The following L3MBTL4 variants were observed in gnomAD, a reference collection of about 807,000 sequenced individuals.
The protein encoded by L3MBTL4 is lethal(3)malignant brain tumor-like protein 4.
In L3MBTL4, 70 loss-of-function variants were observed where a neutral mutation model predicts 84.5. That is an observed-to-expected ratio of 0.83 (90% CI 0.68 to 1.01). L3MBTL4 has a LOEUF of 1.01. Among genes scored for constraint, L3MBTL4 ranks in the 50% least tolerant of loss-of-function variants. The pLI is 0.00. For synonymous variants in L3MBTL4, 274 were observed against 259.8 expected (o/e 1.05, Z -0.52); for missense variants, 715 against 754.8 (o/e 0.95, Z 0.62).
chr18:5,982,574 T>C (rs970022898), intron 16 of L3MBTL4, among the ~76,000 whole-genome samples: 2 of 152,214 alleles, frequency 1.3e-5, no homozygotes, highest in African/African-American at 2.4e-5. Context: ...CCAGAGGTCA[T>C]GGAAAATGCC....
chr18:6,202,805 C>A (rs968271931), intron 12 of L3MBTL4, among the ~76,000 whole-genome samples: 1 of 152,064 alleles, frequency 6.6e-6, no homozygotes, highest in Non-Finnish European at 1.5e-5. Flanking sequence ...GAGTTCAGTC[C>A]AGGAAAAATT....
intron 1 of L3MBTL4, among the ~76,000 whole-genome samples, chr18:6,314,345 T>TA (rs2050987262): frequency 6.6e-6 from 1 of 152,002 alleles, no homozygotes; most frequent in African/African-American, 2.4e-5. Flanking sequence ...TTTTTAGAGT[T>TA]AAAAAAAGAA....
chr18:6,270,938 G>A (rs2048839939), intron 4 of L3MBTL4, among the ~76,000 whole-genome samples: 1 of 152,218 alleles, frequency 6.6e-6, no homozygotes, highest in African/African-American at 2.4e-5. Flanking sequence ...TGGAGAGACA[G>A]GCAGTGGAGA....
intron 5 of L3MBTL4, among the ~76,000 whole-genome samples, chr18:6,258,198 G>C (rs1053781432): frequency 6.6e-6 from 1 of 152,200 alleles, no homozygotes; most frequent in East Asian, 1.9e-4. Flanking sequence ...TCAGGTGGGA[G>C]GAAAGATGCC....
chr18:6,071,813 AAG>A (rs2057658884), intron 16 of L3MBTL4, among the ~76,000 whole-genome samples: 1 of 123,808 alleles, frequency 8.1e-6, no homozygotes, highest in African/African-American at 4.3e-5. Flanking sequence ...AAAAGAAAGA[AAG>A]GAAAGAAAGA....
At chr18:6,122,591 G>T (rs1028898101) in intron 14 of L3MBTL4, among the ~76,000 whole-genome samples, 3 of 152,164 alleles carry the variant, frequency 2.0e-5, no homozygotes, top group African/African-American at 7.2e-5. Context: ...TGATTGTGAG[G>T]CCTCCCCAGC....
intron 16 of L3MBTL4, among the ~76,000 whole-genome samples, chr18:5,982,288 A>T (rs1315939237): frequency 6.6e-6 from 1 of 151,936 alleles, no homozygotes; most frequent in African/African-American, 2.4e-5. Flanking sequence ...CCTTTTCTTA[A>T]ACTTGATAGA....
chr18:6,183,337 C>A (rs2044567937), intron 12 of L3MBTL4, among the ~76,000 whole-genome samples: 1 of 152,162 alleles, frequency 6.6e-6, no homozygotes, highest in Non-Finnish European at 1.5e-5. Context: ...TTTCCATAAT[C>A]TCTGCCCAAA....
chr18:6,124,040 G>C (rs1334095212), intron 14 of L3MBTL4, among the ~76,000 whole-genome samples: 1 of 152,206 alleles, frequency 6.6e-6, no homozygotes, highest in Non-Finnish European at 1.5e-5. Flanking sequence ...GGTAAGAACA[G>C]AGGCCAGAAA....
rs913114536 is a variant in L3MBTL4 at position 5,991,202 on chromosome 18, G to A, written c.1445-21640C>T. On this transcript the variant is annotated intron_variant, in intron 16 of 18. Transcript: ENST00000317931. ...TATAATTGAGGTTCTTTCCATGCCC[G>A]TACATGACTTTCATTCTCTCCTGTA... 4.6e-5 allele frequency among the ~76,000 whole-genome samples: 7 copies of A among 152,204 alleles called. No individual in the cohort carries two copies. The South Asian group carries it at 6.2e-4, about 14-fold the overall frequency.
chr18:6,213,902 T>C (rs2046219573), intron 11 of L3MBTL4, among the ~76,000 whole-genome samples: 1 of 152,210 alleles, frequency 6.6e-6, no homozygotes, highest in Non-Finnish European at 1.5e-5. Flanking sequence ...CCTATATTAG[T>C]TTAGTTTTTT....
intron 16 of L3MBTL4, among the ~76,000 whole-genome samples, chr18:5,994,454 T>C (rs2053854221): frequency 6.6e-6 from 1 of 152,242 alleles, no homozygotes; most frequent in African/African-American, 2.4e-5. Flanking sequence ...CTGCCACTTC[T>C]TGTTCTAATT....
intron 1 of L3MBTL4, chr18:6,399,959 T>G (rs945936467): frequency 7.2e-5 from 11 of 152,138 alleles, no homozygotes; most frequent in African/African-American, 2.7e-4. Flanking sequence ...AACTCTGACC[T>G]TGGGAAATCA....
intron 13 of L3MBTL4, among the ~76,000 whole-genome samples, chr18:6,145,735 TA>T (rs1198044951): frequency 6.6e-6 from 1 of 152,160 alleles, no homozygotes; most frequent in Non-Finnish European, 1.5e-5. Context: ...ATTTTTAACA[TA>T]AAATTAATTA....
rs543684050 is a variant in L3MBTL4 at position 6,169,719 on chromosome 18, C to T, written c.1096+2109G>A. ...GGGAGGGATAGCATTAGGAGATATACCTAATGCTAAATGGCGAGTTAATGG... is the reference window on the plus strand; with the variant it reads ...GGGAGGGATAGCATTAGGAGATATATCTAATGCTAAATGGCGAGTTAATGG... On this transcript the variant is annotated intron_variant, in intron 13 of 18. Coordinates refer to ENST00000317931, the MANE Select transcript of L3MBTL4 (RefSeq NM_001330559.2). Among the ~76,000 whole-genome samples, 8 of 151,546 alleles carry T rather than the reference C, an allele frequency of 5.3e-5. No individual in the cohort carries two copies. In the East Asian group the frequency reaches 1.6e-3, roughly 30 times the overall value.
chr18:6,274,306 C>T (rs1309009859), intron 4 of L3MBTL4, among the ~76,000 whole-genome samples: 1 of 152,150 alleles, frequency 6.6e-6, no homozygotes, highest in East Asian at 1.9e-4. Flanking sequence ...TTCCACAAGC[C>T]CTCCAGGTGA....
chr18:6,391,752 A>AACTACTACTACTACTACTACT (rs139560897), intron 1 of L3MBTL4, among the ~76,000 whole-genome samples: 5,429 of 150,072 alleles, frequency 0.036, 131 homozygotes, highest in Middle Eastern at 0.072. Context: ...CAACAACAAC[A>AACTACTACTACTACTACTACT]ACTACTACTA....
chr18:6,375,984 T>C (rs977274364), intron 1 of L3MBTL4, among the ~76,000 whole-genome samples: 11 of 152,166 alleles, frequency 7.2e-5, no homozygotes, highest in Admixed American at 1.3e-4. Context: ...AACTCATCCC[T>C]GCCCTGCTCA....
chr18:6,044,471 G>A (rs1414134276), intron 16 of L3MBTL4, among the ~76,000 whole-genome samples: 1 of 152,164 alleles, frequency 6.6e-6, no homozygotes, highest in Non-Finnish European at 1.5e-5. Flanking sequence ...TAACGTTGGA[G>A]ACTCCAGCCT....
Sources: allele counts gnomAD v4.1 joint callset (sites outside exome capture counted in the v4.1 genomes callset), GRCh38; gene constraint gnomAD v4.1.1; transcripts MANE v1.5; gene names NCBI Gene and HGNC (gene_info 2026-07-23, HGNC 2026-07-21).